CNTNAP4: variants seen among roughly 807,000 people sequenced by gnomAD.
The protein encoded by CNTNAP4 is contactin associated protein family member 4.
CNTNAP4 carries 98 observed loss-of-function variants against 148.4 expected under a neutral mutation model. That is an observed-to-expected ratio of 0.66 (90% CI 0.56 to 0.78). CNTNAP4 has a LOEUF of 0.78. Ranked by LOEUF, CNTNAP4 falls within the 30% of genes least tolerant of loss-of-function variation. CNTNAP4 has a pLI of 0.00. For synonymous variants in CNTNAP4, 730 were observed against 565.1 expected (o/e 1.29, Z -4.14); for missense variants, 1,935 against 1,565.6 (o/e 1.24, Z -3.98).
At chr16:76,500,437 A>G (rs528247683) in intron 15 of CNTNAP4, among the ~76,000 whole-genome samples, 4 of 152,374 alleles carry the variant, frequency 2.6e-5, no homozygotes, top group East Asian at 1.9e-4. Flanking sequence ...ACATTCCAGC[A>G]TTCCTGAATT....
chr16:76,495,365 A>G, intron 14 of CNTNAP4, among the ~76,000 whole-genome samples: 1 of 152,186 alleles, frequency 6.6e-6, no homozygotes, highest in East Asian at 1.9e-4. Context: ...ATAAGTAGAT[A>G]TTCTATTATC....
intron 4 of CNTNAP4, among the ~76,000 whole-genome samples, chr16:76,431,040 G>A (rs1360660199): frequency 2.0e-5 from 3 of 152,130 alleles, no homozygotes; most frequent in Non-Finnish European, 2.9e-5. Flanking sequence ...AAAATTATAT[G>A]AACTAAGTAT....
In CNTNAP4 at chr16:76,494,944, C is replaced by A. The variant is rs750337082; in HGVS notation, c.2115C>A (p.Thr705=). 10 of 1,613,292 alleles carry A rather than the reference C, an allele frequency of 6.2e-6. No individual in the cohort carries two copies. Among genetic ancestry groups the A allele is most frequent in the African/African-American group, 5.3e-5 (4 of 74,874 alleles). The stretch of plus-strand genomic sequence containing the variant: ...CTCTGAGTTGGTGGGTAGGAAGAAC[C>A]AATGAAACGCAAACCTACTGGGGAG... ...GTPLSWWVGR[T]NETQTYWGGS... The change falls in exon 14 of 24, where the codon ACC becomes ACA. Residue 705 remains threonine (T), a synonymous_variant. Coordinates refer to ENST00000611870, the MANE Select transcript of CNTNAP4 (RefSeq NM_033401.5).
chr16:76,477,205 A>G (rs1431221451), intron 11 of CNTNAP4, among the ~76,000 whole-genome samples: 7 of 152,138 alleles, frequency 4.6e-5, no homozygotes, highest in Non-Finnish European at 1.0e-4. Flanking sequence ...TTCCTGTATT[A>G]CAAATCATGA....
At chr16:76,378,786 T>C (rs1196426317) in intron 3 of CNTNAP4, among the ~76,000 whole-genome samples, 1 of 152,104 alleles carries the variant, frequency 6.6e-6, no homozygotes, top group East Asian at 1.9e-4. Context: ...CTGTCCTCCA[T>C]GTCAGTGAGG....
intron 15 of CNTNAP4, among the ~76,000 whole-genome samples, chr16:76,515,063 A>C (rs2083194325): frequency 6.6e-6 from 1 of 152,208 alleles, no homozygotes; most frequent in Non-Finnish European, 1.5e-5. Context: ...TCGAAAGCAC[A>C]ATCCGTAAAA....
At chr16:76,533,215 G>A (rs1019782091) in intron 17 of CNTNAP4, among the ~76,000 whole-genome samples, 8 of 152,112 alleles carry the variant, frequency 5.3e-5, no homozygotes, top group African/African-American at 1.9e-4. Flanking sequence ...AGGGCATTAT[G>A]TTTAGTGAAA....
intron 3 of CNTNAP4, among the ~76,000 whole-genome samples, chr16:76,399,470 C>G (rs951723952): frequency 2.0e-5 from 3 of 152,082 alleles, no homozygotes; most frequent in African/African-American, 7.2e-5. Context: ...ACTTAGGGAA[C>G]TGAATTATAA....
intron 15 of CNTNAP4, among the ~76,000 whole-genome samples, chr16:76,515,962 A>C (rs962084992): frequency 6.6e-6 from 1 of 152,198 alleles, no homozygotes; most frequent in African/African-American, 2.4e-5. Context: ...TCTGGGATAC[A>C]TGTGCAGAAT....
intron 3 of CNTNAP4, among the ~76,000 whole-genome samples, chr16:76,416,089 G>A (rs2078971503): frequency 6.6e-6 from 1 of 150,378 alleles, no homozygotes; most frequent in African/African-American, 2.4e-5. Flanking sequence ...GATATCCATG[G>A]GCTCAATATT....
chr16:76,488,637 A>G (rs80251396), intron 12 of CNTNAP4, among the ~76,000 whole-genome samples: 2,295 of 152,306 alleles, frequency 0.015, 31 homozygotes, highest in Middle Eastern at 0.027. Context: ...CCTCTGTATT[A>G]CAGAAGAGTT....
rs1483875783 is a variant in CNTNAP4, at chr16:76,315,583, A to G, written c.86-830A>G. Among the ~76,000 whole-genome samples, 14 of 152,128 alleles carry G rather than the reference A, an allele frequency of 9.2e-5. No individual in the cohort carries two copies. In the South Asian group the frequency reaches 2.1e-3, roughly 22 times the overall value. Reference sequence around the variant, plus strand: ...CTGATATATTTGAGGATCAATTTATATAGGATCTGTGCTGTGAAGTCTGTT... The same window carrying G: ...CTGATATATTTGAGGATCAATTTATGTAGGATCTGTGCTGTGAAGTCTGTT... On this transcript the variant is annotated intron_variant, in intron 1 of 23. Transcript: ENST00000611870.
intron 3 of CNTNAP4, among the ~76,000 whole-genome samples, chr16:76,361,963 T>C (rs2013491629): frequency 6.6e-6 from 1 of 152,200 alleles, no homozygotes; most frequent in South Asian, 2.1e-4. Context: ...TGGTTATGTG[T>C]ATATCTTCTT....
At chr16:76,440,414 A>C (rs1016967229) in intron 4 of CNTNAP4, among the ~76,000 whole-genome samples, 2 of 152,132 alleles carry the variant, frequency 1.3e-5, no homozygotes, top group African/African-American at 4.8e-5. Context: ...AGTTTCACTC[A>C]CAGAATCAAT....
At chr16:76,365,543 G>T (rs2014005388) in intron 3 of CNTNAP4, among the ~76,000 whole-genome samples, 1 of 152,042 alleles carries the variant, frequency 6.6e-6, no homozygotes, top group African/African-American at 2.4e-5. Context: ...GTGAGATCAG[G>T]AGTTCAAAAC....
chr16:76,303,340 G>C (rs1034430586), intron 1 of CNTNAP4, among the ~76,000 whole-genome samples: 1 of 152,040 alleles, frequency 6.6e-6, no homozygotes, highest in African/African-American at 2.4e-5. Context: ...GATACTTTGA[G>C]ATACAAATAA....
intron 8 of CNTNAP4, among the ~76,000 whole-genome samples, chr16:76,460,390 T>G (rs1002741939): frequency 2.0e-5 from 3 of 151,774 alleles, no homozygotes; most frequent in Non-Finnish European, 2.9e-5. Context: ...ATTACAGGCA[T>G]GAGCCACCAC....
At chr16:76,401,384 G>A (rs567974489) in intron 3 of CNTNAP4, among the ~76,000 whole-genome samples, 1 of 152,134 alleles carries the variant, frequency 6.6e-6, no homozygotes, top group East Asian at 1.9e-4. Context: ...GTGATTTTTG[G>A]ACATTGATTT....
At chr16:76,487,796 G>C (rs1042221902) in intron 12 of CNTNAP4, among the ~76,000 whole-genome samples, 1 of 152,150 alleles carries the variant, frequency 6.6e-6, no homozygotes, top group Non-Finnish European at 1.5e-5. Context: ...AGGAAACGTT[G>C]TTATGAGCTA....
Sources: gnomAD v4.1 joint callset for allele counts (sites outside exome capture counted in the v4.1 genomes callset) on GRCh38, gnomAD v4.1.1 for gene constraint, MANE v1.5 for transcripts, NCBI Gene and HGNC (gene_info 2026-07-23, HGNC 2026-07-21) for gene names.